Variants in CAMKK2 observed in about 807,000 individuals in gnomAD.
CAMKK2 encodes calcium/calmodulin-dependent protein kinase kinase 2.
Under a neutral mutation model 67.2 loss-of-function variants are expected in CAMKK2, and 30 were observed. The observed-to-expected ratio is 0.45, with a 90% CI of 0.33 to 0.61. CAMKK2 has a LOEUF of 0.61. CAMKK2 is among the 20% of genes least tolerant of loss of function. The probability of loss-of-function intolerance (pLI) is 0.02; values close to 1 mark genes in which losing one functional copy is unlikely to be tolerated. For missense variants in CAMKK2, 643 were observed against 802.0 expected (o/e 0.80, Z 2.39); for synonymous variants, 322 against 326.2 (o/e 0.99, Z 0.14).
At chr12:121,276,147 G>GAACA in intron 1 of CAMKK2, among the ~76,000 whole-genome samples, 1 of 130,496 alleles carries the variant, frequency 7.7e-6, no homozygotes, top group Non-Finnish European at 1.6e-5. Context: ...ATGACAGAGT[G>GAACA]AGACTCCATC....
chr12:121,263,973 C>T, intron 5 of CAMKK2, 34 bp from the exon 6 acceptor site: 1 of 1,532,260 alleles, frequency 6.5e-7, no homozygotes, highest in South Asian at 1.2e-5. Flanking sequence ...AGGGTCAGGG[C>T]AAAGAGACTT....
intron 7 of CAMKK2, among the ~76,000 whole-genome samples, chr12:121,258,970 G>A (rs1478531155): frequency 6.6e-6 from 1 of 151,616 alleles, no homozygotes; most frequent in Non-Finnish European, 1.5e-5. Flanking sequence ...AGCCTCCCGA[G>A]TAGCCAAGAT....
intron 9 of CAMKK2, among the ~76,000 whole-genome samples, chr12:121,255,085 G>T (rs886893890): frequency 6.8e-6 from 1 of 146,420 alleles, no homozygotes; most frequent in Admixed American, 7.4e-5. Context: ...CAGACTCCAC[G>T]TTCTTTAGTT....
Position 121,240,365 on chromosome 12 carries a change from A to T in CAMKK2, c.*334T>A. On this transcript the variant is annotated 3_prime_UTR_variant, in exon 17 of 17. Transcript: ENST00000404169. This position sits in a 1 kb window ranked among gnomAD's most constrained non-coding sequence, Gnocchi z 4.4. ...CAAACCCCACACACAGTCACTTGGTATATCTGACGTGGTTCTGAAAATCAC... is the reference window on the plus strand; with the variant it reads ...CAAACCCCACACACAGTCACTTGGTTTATCTGACGTGGTTCTGAAAATCAC... 7.4e-7 allele frequency: 1 copy of T among 1,344,878 alleles called. No homozygotes were observed. The highest frequency in any genetic ancestry group is 1.0e-6 in the Non-Finnish European group (1 of 988,322). The allele number at this position is 1,344,878 out of a possible 1,614,324, so 83.3% of individuals were successfully genotyped here.
chr12:121,242,042 G>A (rs1232641598), intron 16 of CAMKK2, among the ~76,000 whole-genome samples: 5 of 152,186 alleles, frequency 3.3e-5, no homozygotes, highest in Non-Finnish European at 7.3e-5. Context: ...TGATCTCATT[G>A]AAACGAAGGC....
chr12:121,281,516 C>T (rs768625022), intron 1 of CAMKK2, among the ~76,000 whole-genome samples: 5 of 152,226 alleles, frequency 3.3e-5, no homozygotes, highest in African/African-American at 9.6e-5. Flanking sequence ...CAAGGAAATG[C>T]GTTCATTCAT....
chr12:121,255,743 A>G, intron 8 of CAMKK2, 40 bp downstream of exon 8: 1 of 1,612,840 alleles, frequency 6.2e-7, no homozygotes, highest in Non-Finnish European at 8.5e-7. Context: ...CAGCTACAGA[A>G]GCTTCTTGCA....
intron 1 of CAMKK2, among the ~76,000 whole-genome samples, chr12:121,275,312 C>A (rs1896589677): frequency 6.6e-6 from 1 of 151,922 alleles, no homozygotes; most frequent in East Asian, 1.9e-4. Flanking sequence ...GGTGAAACCT[C>A]ATCTCTACTA....
chr12:121,242,813 G>T (rs1888633630), intron 16 of CAMKK2, among the ~76,000 whole-genome samples: 1 of 152,120 alleles, frequency 6.6e-6, no homozygotes, highest in Non-Finnish European at 1.5e-5. Context: ...CGCAATCTCG[G>T]CTCACTGCAA....
At chr12:121,259,904 G>T (rs1893083720) in intron 7 of CAMKK2, among the ~76,000 whole-genome samples, 1 of 152,092 alleles carries the variant, frequency 6.6e-6, no homozygotes. Flanking sequence ...ACAACATAGT[G>T]ACACTTTGTC....
At chr12:121,278,628 C>T (rs1897212070) in intron 1 of CAMKK2, among the ~76,000 whole-genome samples, 1 of 152,234 alleles carries the variant, frequency 6.6e-6, no homozygotes, top group Admixed American at 6.5e-5. Flanking sequence ...TCCGCTTTTG[C>T]ATCTTCCTCA....
intron 5 of CAMKK2, 64 bp from the exon 6 acceptor site, chr12:121,264,003 G>A: frequency 7.7e-6 from 11 of 1,435,180 alleles, no homozygotes; most frequent in Non-Finnish European, 9.3e-6. Flanking sequence ...GAGGGCAGCT[G>A]CAGGTGGGAT....
At chr12:121,259,834 A>G (rs988532347) in intron 7 of CAMKK2, among the ~76,000 whole-genome samples, 3 of 152,104 alleles carry the variant, frequency 2.0e-5, no homozygotes, top group Non-Finnish European at 2.9e-5. Flanking sequence ...CAATATATAC[A>G]TGCTTTGGGA....
intron 15 of CAMKK2, 151 bp from the exon 16 acceptor site, chr12:121,244,766 C>A: frequency 1.5e-6 from 1 of 653,056 alleles, no homozygotes; most frequent in East Asian, 2.8e-5. Flanking sequence ...TGAGTGGACA[C>A]CTCTCTGCAT....
At chr12:121,247,797 A>T (rs1004516137) in intron 14 of CAMKK2, among the ~76,000 whole-genome samples, 1 of 152,048 alleles carries the variant, frequency 6.6e-6, no homozygotes, top group African/African-American at 2.4e-5. Flanking sequence ...TCACAGCTGG[A>T]CCTTCTGTGC....
At position 121,239,462 on chromosome 12, in the gene CAMKK2, CCAA is replaced by C. The variant is rs1171486339; in HGVS notation, c.*1234_*1236del. 1.3e-5 allele frequency: 2 copies of C among 152,208 alleles called. No homozygotes were observed. The highest frequency in any genetic ancestry group is 2.9e-5 in the Non-Finnish European group (2 of 68,026). The allele number at this position is 152,208 out of a possible 1,614,324, so 9.4% of individuals were successfully genotyped here. ...TGCCAAGCCCTGGTTTCCTCATACC[CCAA>C]CGAGTGCTGTGGGTTTCAACAGTCT... is the stretch of plus-strand genomic sequence containing the variant. On this transcript the variant is annotated 3_prime_UTR_variant, in exon 17 of 17. Coordinates refer to ENST00000404169, the MANE Select transcript of CAMKK2 (RefSeq NM_001270485.2).
At chr12:121,270,791 C>T (rs1242976013) in intron 3 of CAMKK2, 107 bp downstream of exon 3, 5 of 792,902 alleles carry the variant, frequency 6.3e-6, no homozygotes, top group Middle Eastern at 2.4e-4. Context: ...CCACCAACCT[C>T]GCCTTCAAAG....
intron 5 of CAMKK2, among the ~76,000 whole-genome samples, chr12:121,264,810 A>AATC (rs1894199792): frequency 4.1e-5 from 6 of 147,460 alleles, no homozygotes; most frequent in South Asian, 4.3e-4. Context: ...TAATAATAAT[A>AATC]ATCACAAAAA....
Position 121,240,955 on chromosome 12 carries a change from T to C in CAMKK2, c.1597-86A>G. 1 of 1,390,676 alleles carries C rather than the reference T, an allele frequency of 7.2e-7. No homozygotes were observed. The allele number at this position is 1,390,676 out of a possible 1,614,324, so 86.1% of individuals were successfully genotyped here. On this transcript the variant is annotated intron_variant, in intron 16 of 16. Transcript: ENST00000404169. This position sits in a 1 kb window ranked among gnomAD's most constrained non-coding sequence, Gnocchi z 4.4. ...CAGCTGCTCCCACATCTGGGCCCCC[T>C]GCCCAAGTGGGCCGTCGCGCACCCC... is the stretch of plus-strand genomic sequence containing the variant.
Sources: gnomAD v4.1 joint callset for allele counts (sites outside exome capture counted in the v4.1 genomes callset) on GRCh38, gnomAD v4.1.1 for gene constraint, Gnocchi (gnomAD v3.1) non-coding constraint, MANE v1.5 for transcripts, NCBI Gene and HGNC (gene_info 2026-07-23, HGNC 2026-07-21) for gene names.